CSMD1: variants seen among roughly 807,000 people sequenced by gnomAD.
The protein encoded by CSMD1 is CUB and Sushi multiple domains 1, also known as CUB and sushi domain-containing protein 1.
In CSMD1, 213 loss-of-function variants were observed where a neutral mutation model predicts 417.5. That is an observed-to-expected ratio of 0.51 (90% CI 0.46 to 0.57). CSMD1 has a LOEUF of 0.57. Among genes scored for constraint, CSMD1 ranks in the 20% least tolerant of loss-of-function variants. The probability of loss-of-function intolerance (pLI) is 0.00; values close to 1 mark genes in which losing one functional copy is unlikely to be tolerated. For missense variants in CSMD1, 6,923 were observed against 4,529.7 expected (o/e 1.53, Z -15.17); for synonymous variants, 2,862 against 1,736.8 (o/e 1.65, Z -16.11).
chr8:3,761,393 A>G (rs1044234210), intron 5 of CSMD1, among the ~76,000 whole-genome samples: 1 of 152,182 alleles, frequency 6.6e-6, no homozygotes, highest in African/African-American at 2.4e-5. Flanking sequence ...CTATCTGGGG[A>G]AAAACAACCA....
At chr8:3,171,320 G>T (rs556332587) in intron 37 of CSMD1, among the ~76,000 whole-genome samples, 13 of 152,272 alleles carry the variant, frequency 8.5e-5, no homozygotes, top group African/African-American at 3.1e-4. Context: ...GACAGAAAGT[G>T]GGGGGACTCC....
At chr8:3,600,024 A>G (rs2449174) in intron 8 of CSMD1, among the ~76,000 whole-genome samples, 131,359 of 152,158 alleles carry the variant, frequency 0.86, 57,116 homozygotes, top group East Asian at 1. Flanking sequence ...CCACCACAAG[A>G]GGCACCTCCT....
chr8:4,762,413 T>C (rs1585058667), intron 1 of CSMD1, among the ~76,000 whole-genome samples: 1 of 152,188 alleles, frequency 6.6e-6, no homozygotes, highest in African/African-American at 2.4e-5. Flanking sequence ...CTATTACATA[T>C]ATTTTCATGC....
At chr8:3,275,415 G>C (rs1417417223) in intron 26 of CSMD1, among the ~76,000 whole-genome samples, 1 of 152,108 alleles carries the variant, frequency 6.6e-6, no homozygotes, top group Non-Finnish European at 1.5e-5. Flanking sequence ...TCTTGGTGTT[G>C]CTCTTCTCGA....
At chr8:3,270,254 C>A (rs996540339) in intron 26 of CSMD1, among the ~76,000 whole-genome samples, 2 of 151,940 alleles carry the variant, frequency 1.3e-5, no homozygotes, top group African/African-American at 2.4e-5. Flanking sequence ...GATGGGGTAT[C>A]ACCATGTTGG....
intron 3 of CSMD1, among the ~76,000 whole-genome samples, chr8:4,394,044 C>G (rs922953201): frequency 5.9e-5 from 9 of 152,126 alleles, no homozygotes; most frequent in African/African-American, 2.2e-4. Context: ...CAGTGAAGGG[C>G]TAATACTTCT....
At chr8:4,426,437 T>C (rs564966165) in intron 2 of CSMD1, among the ~76,000 whole-genome samples, 2 of 148,440 alleles carry the variant, frequency 1.3e-5, no homozygotes, top group Admixed American at 6.8e-5. Context: ...ACATATACTA[T>C]ATAGAGCATA....
At chr8:3,986,064 G>C (rs577805014) in intron 5 of CSMD1, among the ~76,000 whole-genome samples, 3 of 151,876 alleles carry the variant, frequency 2.0e-5, no homozygotes, top group South Asian at 2.1e-4. Context: ...ATTATATGAA[G>C]ACCCCATCCA....
intron 5 of CSMD1, among the ~76,000 whole-genome samples, chr8:3,954,440 C>G (rs955295263): frequency 6.6e-6 from 1 of 152,092 alleles, no homozygotes; most frequent in African/African-American, 2.4e-5. Context: ...GATCTCAGCT[C>G]ACTGCAACCT....
intron 27 of CSMD1, among the ~76,000 whole-genome samples, chr8:3,227,437 A>T (rs1368949694): frequency 6.6e-6 from 1 of 152,146 alleles, no homozygotes; most frequent in Non-Finnish European, 1.5e-5. Context: ...AAGTCCGAGA[A>T]ATATGCGAGT....
intron 26 of CSMD1, among the ~76,000 whole-genome samples, chr8:3,259,699 T>A (rs185401890): frequency 1.3e-5 from 2 of 152,096 alleles, no homozygotes; most frequent in African/African-American, 4.8e-5. Context: ...AATTGGTGAG[T>A]CTAATGCAAA....
intron 3 of CSMD1, among the ~76,000 whole-genome samples, chr8:4,307,106 C>A (rs749046789): frequency 3.9e-5 from 6 of 152,116 alleles, no homozygotes; most frequent in Non-Finnish European, 7.3e-5. Flanking sequence ...TTTATCTCTA[C>A]AAGGCCGGCT....
chr8:4,695,454 G>A (rs1563159628), intron 1 of CSMD1, among the ~76,000 whole-genome samples: 1 of 152,200 alleles, frequency 6.6e-6, no homozygotes, highest in African/African-American at 2.4e-5. Context: ...AAGATGTTAT[G>A]TGGACTCAGT....
rs73657835 is a variant in CSMD1, at chr8:3,387,532, C to T, written c.2744G>A (p.Arg915Lys). The change falls in exon 18 of 70, where the codon AGG becomes AAG. Residue 915 changes from arginine (R) to lysine (K), a missense_variant. Transcript: ENST00000635120. The part of the protein sequence containing the change: ...LSDDEPLVCE[R>K]NHQWNHALPS... ...CAAGGCGTGGTTCCACTGGTGGTTCCTCTCACAGACGAGGGGCTCGTCGTC... is the reference window on the plus strand; with the variant it reads ...CAAGGCGTGGTTCCACTGGTGGTTCTTCTCACAGACGAGGGGCTCGTCGTC... 8,395 of 1,602,354 alleles carry T rather than the reference C, an allele frequency of 5.2e-3. 388 individuals are homozygous for T. In the African/African-American group the frequency reaches 0.1, roughly 19 times the overall value.
chr8:3,652,183 A>G (rs1435514878), intron 7 of CSMD1, among the ~76,000 whole-genome samples: 9 of 143,010 alleles, frequency 6.3e-5, no homozygotes, highest in Admixed American at 1.4e-4. Context: ...CCATCAGAAC[A>G]CCTACCACCT....
At chr8:3,502,288 C>T (rs778498777) in intron 10 of CSMD1, among the ~76,000 whole-genome samples, 6 of 147,620 alleles carry the variant, frequency 4.1e-5, no homozygotes, top group African/African-American at 1.0e-4. Context: ...TGACGCGAAC[C>T]CAGGAGGAGG....
At chr8:2,971,023 T>C (rs1804411664) in intron 57 of CSMD1, among the ~76,000 whole-genome samples, 1 of 152,210 alleles carries the variant, frequency 6.6e-6, no homozygotes, top group Non-Finnish European at 1.5e-5. Flanking sequence ...CTAAGGTATG[T>C]GAGTGTAAGT....
chr8:3,712,612 T>G (rs1441585043), intron 6 of CSMD1, among the ~76,000 whole-genome samples: 1 of 152,328 alleles, frequency 6.6e-6, no homozygotes, highest in Non-Finnish European at 1.5e-5. Context: ...AAACATAGCT[T>G]TTGTGTCTAA....
chr8:3,694,682 G>A (rs1057013228), intron 7 of CSMD1, among the ~76,000 whole-genome samples: 1 of 151,894 alleles, frequency 6.6e-6, no homozygotes, highest in Admixed American at 6.6e-5. Flanking sequence ...CCACTGAACT[G>A]CTGTGGGCTT....
Sources: allele counts gnomAD v4.1 joint callset (sites outside exome capture counted in the v4.1 genomes callset), GRCh38; gene constraint gnomAD v4.1.1; transcripts MANE v1.5; gene names NCBI Gene and HGNC (gene_info 2026-07-23, HGNC 2026-07-21).